The following ADCY2 variants were observed in gnomAD, a reference collection of about 807,000 sequenced individuals.
ADCY2 encodes adenylate cyclase type 2.
ADCY2 carries 31 observed loss-of-function variants against 125.2 expected under a neutral mutation model. The ratio of observed to expected loss-of-function variants is 0.25; its 90% CI spans 0.19 to 0.33. The LOEUF (loss-of-function observed/expected upper bound fraction) is 0.33. ADCY2 is among the 10% of genes least tolerant of loss of function. The pLI is 1.00. For missense variants in ADCY2, 904 were observed against 1,418.2 expected, an observed-to-expected ratio of 0.64 and a Z score of 5.82; for synonymous variants, 512 against 548.4, an observed-to-expected ratio of 0.93 and a Z score of 0.93.
intron 1 of ADCY2, among the ~76,000 whole-genome samples, chr5:7,399,243 T>A (rs1739175382): frequency 6.6e-6 from 1 of 152,236 alleles, no homozygotes; most frequent in Admixed American, 6.5e-5. Flanking sequence ...CTTATAGAAG[T>A]TTGGCAATCT....
rs746621894 is a variant in ADCY2, at chr5:7,757,540, C to T, written c.2048C>T (p.Thr683Met). 6 of 1,609,982 alleles carry T rather than the reference C, an allele frequency of 3.7e-6. No homozygotes were observed. Among genetic ancestry groups the T allele is most frequent in the Non-Finnish European group, 5.1e-6 (6 of 1,178,872 alleles). ...CGCCCCTGGCCACGGATCTCTCTCA[C>T]GATCATCACCACAGCCATCATATTA... is the stretch of plus-strand genomic sequence containing the variant. ...ANRPWPRISL[T>M]IITTAIILMM... Residue 683 changes from threonine to methionine, a missense_variant, in exon 16 of 25, where the codon ACG (threonine) becomes ATG (methionine). Around this residue, in one of 7 missense-constraint regions of ADCY2, gnomAD observed 221 missense variants for 246.2 expected, o/e 0.90. Transcript: ENST00000338316.
rs1740915816 is a variant in ADCY2, at chr5:7,439,169, G to GAAAA, written c.408+24399_408+24400insAAAA. 2.6e-5 allele frequency among the ~76,000 whole-genome samples: 4 copies of GAAAA among 152,176 alleles called. No individual in the cohort carries two copies. In the East Asian group the frequency reaches 7.7e-4, roughly 29 times the overall value. On this transcript the variant is annotated intron_variant, in intron 2 of 24. Transcript: ENST00000338316. ...GAAAATCATTTTATAAAGAAGTAGA[G>GAAAA]TGTATTAGTCTGTTCTCACACTGCT...
chr5:7,517,158 T>A (rs1201792881), intron 2 of ADCY2, among the ~76,000 whole-genome samples: 1 of 152,170 alleles, frequency 6.6e-6, no homozygotes, highest in Non-Finnish European at 1.5e-5. Context: ...GAGCTGGAGT[T>A]AAGAGACACA....
At chr5:7,649,851 T>C (rs1735698861) in intron 4 of ADCY2, among the ~76,000 whole-genome samples, 1 of 152,124 alleles carries the variant, frequency 6.6e-6, no homozygotes, top group Non-Finnish European at 1.5e-5. Flanking sequence ...TTTACCCCTC[T>C]AGGTAAATGA....
chr5:7,640,195 C>T (rs766993467), intron 4 of ADCY2, among the ~76,000 whole-genome samples: 75 of 151,946 alleles, frequency 4.9e-4, no homozygotes, highest in Non-Finnish European at 8.5e-4. Context: ...TCCAGATTTC[C>T]GCTGGTGAAT....
intron 6 of ADCY2, among the ~76,000 whole-genome samples, chr5:7,697,203 G>T (rs1037629074): frequency 2.0e-5 from 3 of 151,952 alleles, no homozygotes; most frequent in Admixed American, 6.6e-5. Flanking sequence ...ACATTCACAG[G>T]TATCAGGACT....
chr5:7,682,538 G>GGGA (rs1204020347), intron 4 of ADCY2, among the ~76,000 whole-genome samples: 3 of 152,164 alleles, frequency 2.0e-5, no homozygotes, highest in Admixed American at 2.0e-4. Context: ...CCATGAATGT[G>GGGA]GGAGGAGCCT....
At chr5:7,456,842 T>C (rs1449916860) in intron 2 of ADCY2, among the ~76,000 whole-genome samples, 1 of 152,138 alleles carries the variant, frequency 6.6e-6, no homozygotes, top group Non-Finnish European at 1.5e-5. Flanking sequence ...CTAATAGGGG[T>C]TTTAAAAGAG....
In ADCY2 at chr5:7,488,286, G is replaced by A. The variant is rs187003958; in HGVS notation, c.409-32452G>A. Among the ~76,000 whole-genome samples the A allele has an allele frequency of 2.2e-4, 34 of 152,150 alleles. 1 individual carries two copies. The East Asian group carries it at 4.1e-3, about 18-fold the overall frequency. On this transcript the variant is annotated intron_variant, in intron 2 of 24. Transcript: ENST00000338316. ...TAAGACACCCGTTTGCTCTTCCTTC[G>A]TCTTCCACCATGATTGTGAGGCCTC... is the stretch of plus-strand genomic sequence containing the variant.
intron 1 of ADCY2, among the ~76,000 whole-genome samples, chr5:7,414,207 G>C (rs1037931239): frequency 9.9e-5 from 15 of 152,038 alleles, no homozygotes; most frequent in Admixed American, 2.0e-4. Flanking sequence ...CTAAGGCCGG[G>C]GTTTTTCTGC....
At chr5:7,431,852 G>A (rs905204072) in intron 2 of ADCY2, among the ~76,000 whole-genome samples, 1 of 152,130 alleles carries the variant, frequency 6.6e-6, no homozygotes, top group African/African-American at 2.4e-5. Context: ...CAGGAGGCAG[G>A]GAAATTCTGG....
At chr5:7,796,795 C>G (rs4702501) in intron 20 of ADCY2, 62,928 of 152,152 alleles carry the variant, frequency 0.41, 13,500 homozygotes, top group African/African-American at 0.45. Context: ...CTCCCCACCT[C>G]TGTGTGTGGC....
chr5:7,631,819 A>T (rs944644759), intron 4 of ADCY2, among the ~76,000 whole-genome samples: 3 of 152,164 alleles, frequency 2.0e-5, no homozygotes, highest in African/African-American at 7.2e-5. Flanking sequence ...TGAACAGAGG[A>T]GTCTGCAGCT....
intron 20 of ADCY2, chr5:7,793,647 G>T (rs1421624508): frequency 2.0e-5 from 3 of 152,238 alleles, no homozygotes; most frequent in African/African-American, 7.2e-5. Context: ...CAGGAGCAAA[G>T]CAGGAATGGG....
intron 12 of ADCY2, among the ~76,000 whole-genome samples, chr5:7,724,343 A>C (rs1451724324): frequency 1.3e-5 from 2 of 151,808 alleles, no homozygotes; most frequent in Non-Finnish European, 2.9e-5. Context: ...TGTGATTAGG[A>C]ATATTCTATT....
At chr5:7,485,689 C>A (rs898485421) in intron 2 of ADCY2, among the ~76,000 whole-genome samples, 1 of 152,036 alleles carries the variant, frequency 6.6e-6, no homozygotes, top group Non-Finnish European at 1.5e-5. Context: ...ATAACTGAGT[C>A]TTCATTGGAA....
At chr5:7,514,529 C>T (rs992337914) in intron 2 of ADCY2, among the ~76,000 whole-genome samples, 6 of 152,118 alleles carry the variant, frequency 3.9e-5, no homozygotes, top group African/African-American at 1.4e-4. Context: ...CAGCATAAAC[C>T]TGATGTTATG....
chr5:7,625,258 ATGT>A (rs1433594434), intron 3 of ADCY2, among the ~76,000 whole-genome samples: 4 of 152,234 alleles, frequency 2.6e-5, no homozygotes, highest in East Asian at 1.9e-4. Flanking sequence ...AGAATTTAAA[ATGT>A]TGTTTCTACA....
intron 24 of ADCY2, among the ~76,000 whole-genome samples, chr5:7,821,588 T>A (rs1047356546): frequency 6.6e-6 from 1 of 152,190 alleles, no homozygotes; most frequent in African/African-American, 2.4e-5. Flanking sequence ...CAAGTCAAAC[T>A]CAACTTTGCC....
Sources: gnomAD v4.1 joint callset for allele counts (sites outside exome capture counted in the v4.1 genomes callset) on GRCh38, gnomAD v4.1.1 for gene constraint, gnomAD v4.1.1 regional missense constraint, MANE v1.5 for transcripts, NCBI Gene and HGNC (gene_info 2026-07-23, HGNC 2026-07-21) for gene names.